The following ADAMTS18 variants were observed in gnomAD, a reference collection of about 807,000 sequenced individuals.
ADAMTS18 encodes the protein ADAM metallopeptidase with thrombospondin type 1 motif 18.
A neutral mutation model predicts 165.9 loss-of-function variants in ADAMTS18; 157 were observed. The ratio of observed to expected loss-of-function variants is 0.95; its 90% CI spans 0.83 to 1.08. ADAMTS18 has a LOEUF of 1.08. ADAMTS18 is among the 50% of genes least tolerant of loss of function. The probability of loss-of-function intolerance (pLI) is 0.00; values close to 1 mark genes in which losing one functional copy is unlikely to be tolerated. For missense variants in ADAMTS18, 2,040 were observed against 1,534.0 expected (o/e 1.33, Z -5.51); for synonymous variants, 782 against 578.2 (o/e 1.35, Z -5.06).
intron 17 of ADAMTS18, among the ~76,000 whole-genome samples, chr16:77,299,629 A>G (rs963995895): frequency 1.3e-5 from 2 of 152,178 alleles, no homozygotes; most frequent in Admixed American, 1.3e-4. Flanking sequence ...CTTCCTCCCA[A>G]ATGAGCAAGT....
At chr16:77,426,602 T>C (rs1267832180) in intron 3 of ADAMTS18, among the ~76,000 whole-genome samples, 1 of 152,218 alleles carries the variant, frequency 6.6e-6, no homozygotes, top group East Asian at 1.9e-4. Flanking sequence ...TCTAAAAGTA[T>C]TGCTCCATTC....
At chr16:77,411,133 T>C (rs2057457513) in intron 3 of ADAMTS18, among the ~76,000 whole-genome samples, 1 of 152,212 alleles carries the variant, frequency 6.6e-6, no homozygotes, top group Non-Finnish European at 1.5e-5. Context: ...TTGATGCTTA[T>C]TGAGTATTTG....
intron 3 of ADAMTS18, among the ~76,000 whole-genome samples, chr16:77,422,626 A>G (rs1464278900): frequency 1.3e-5 from 2 of 151,742 alleles, no homozygotes; most frequent in Non-Finnish European, 2.9e-5. Flanking sequence ...AAAAGGAGGA[A>G]GAAGGGAAGA....
chr16:77,331,378 A>G (rs1314316072), intron 12 of ADAMTS18, among the ~76,000 whole-genome samples: 1 of 152,194 alleles, frequency 6.6e-6, no homozygotes, highest in Non-Finnish European at 1.5e-5. Flanking sequence ...ATGTAAAGTA[A>G]TATGATGATT....
intron 10 of ADAMTS18, among the ~76,000 whole-genome samples, chr16:77,345,591 C>T (rs766983131): frequency 6.6e-6 from 1 of 152,218 alleles, no homozygotes; most frequent in Non-Finnish European, 1.5e-5. Flanking sequence ...TTATTCTCAA[C>T]ACAGTGACTA....
At chr16:77,351,926 G>C (rs1015757357) in intron 10 of ADAMTS18, among the ~76,000 whole-genome samples, 1 of 152,028 alleles carries the variant, frequency 6.6e-6, no homozygotes, top group Admixed American at 6.5e-5. Flanking sequence ...TAAAGAGAGG[G>C]TCTAACTTTG....
At chr16:77,295,211 C>T in intron 18 of ADAMTS18, 84 bp from the exon 19 acceptor site, 1 of 1,389,372 alleles carries the variant, frequency 7.2e-7, no homozygotes, top group Non-Finnish European at 1.0e-6. Flanking sequence ...GGTAAACCAC[C>T]TATGGAAGCC....
At chr16:77,336,814 C>T (rs764295655) in intron 11 of ADAMTS18, among the ~76,000 whole-genome samples, 1 of 152,172 alleles carries the variant, frequency 6.6e-6, no homozygotes, top group Non-Finnish European at 1.5e-5. Flanking sequence ...CCCCAATCCC[C>T]AACCCCTGCA....
intron 3 of ADAMTS18, among the ~76,000 whole-genome samples, chr16:77,381,739 T>C (rs945302396): frequency 1.3e-4 from 20 of 152,166 alleles, no homozygotes; most frequent in African/African-American, 3.6e-4. Flanking sequence ...GAGGCGGAGG[T>C]TGCAGTGAGC....
At chr16:77,385,178 G>A in intron 3 of ADAMTS18, among the ~76,000 whole-genome samples, 1 of 152,086 alleles carries the variant, frequency 6.6e-6, no homozygotes, top group African/African-American at 2.4e-5. Flanking sequence ...CAAAGTGTTG[G>A]GATTACAGGA....
intron 3 of ADAMTS18, among the ~76,000 whole-genome samples, chr16:77,368,360 C>CA (rs2144746353): frequency 6.6e-6 from 1 of 152,128 alleles, no homozygotes; most frequent in African/African-American, 2.4e-5. Context: ...ATGCCATGTT[C>CA]ACCACTGGAT....
intron 11 of ADAMTS18, 62 bp from the exon 12 acceptor site, chr16:77,335,966 G>A (rs1377383514): frequency 6.9e-6 from 11 of 1,594,366 alleles, no homozygotes; most frequent in Non-Finnish European, 8.6e-6. Context: ...GCAGGGAGTT[G>A]CCAACACCTG....
rs575674198 is a variant in ADAMTS18 at position 77,289,788 on chromosome 16, G to A, written c.3403-377C>T. 1.1e-4 allele frequency among the ~76,000 whole-genome samples: 16 copies of A among 152,334 alleles called. No homozygotes were observed. In the South Asian group the frequency reaches 3.3e-3, roughly 32 times the overall value. On this transcript the variant is annotated intron_variant, in intron 21 of 22. Coordinates refer to ENST00000282849, the MANE Select transcript of ADAMTS18 (RefSeq NM_199355.4). ...ATTCCAGACAATCTGTGCAGCTGCA[G>A]TAGTGGAGGACATAGTTCAAAACTG...
intron 16 of ADAMTS18, among the ~76,000 whole-genome samples, chr16:77,314,190 G>T (rs2055837017): frequency 6.6e-6 from 1 of 152,130 alleles, no homozygotes; most frequent in African/African-American, 2.4e-5. Context: ...AAGATGATGG[G>T]AGTTAACTCA....
chr16:77,340,861 C>T (rs1011707858), intron 11 of ADAMTS18, among the ~76,000 whole-genome samples: 1 of 152,152 alleles, frequency 6.6e-6, no homozygotes, highest in Non-Finnish European at 1.5e-5. Flanking sequence ...AGCTATCACA[C>T]CCAGCCTTGA....
At chr16:77,349,592 C>T (rs2056526353) in intron 10 of ADAMTS18, among the ~76,000 whole-genome samples, 1 of 149,064 alleles carries the variant, frequency 6.7e-6, no homozygotes, top group Admixed American at 6.7e-5. Context: ...ACTATTGTTC[C>T]CTACCCTGCT....
intron 3 of ADAMTS18, among the ~76,000 whole-genome samples, chr16:77,391,320 T>C (rs1037127735): frequency 6.6e-6 from 1 of 152,176 alleles, no homozygotes; most frequent in Non-Finnish European, 1.5e-5. Context: ...CTGGCCAACA[T>C]GGTGAAACTC....
At chr16:77,411,394 G>A (rs192036106) in intron 3 of ADAMTS18, among the ~76,000 whole-genome samples, 15 of 152,146 alleles carry the variant, frequency 9.9e-5, no homozygotes, top group Non-Finnish European at 1.5e-5. Context: ...ATACTCTCTG[G>A]TTGGACCTGC....
At chr16:77,296,970 T>C (rs1351190467) in intron 18 of ADAMTS18, among the ~76,000 whole-genome samples, 1 of 152,194 alleles carries the variant, frequency 6.6e-6, no homozygotes, top group Non-Finnish European at 1.5e-5. Flanking sequence ...ACTTCAACCA[T>C]CTTTTTTAAA....
Sources: gnomAD v4.1 joint callset for allele counts (sites outside exome capture counted in the v4.1 genomes callset) on GRCh38, gnomAD v4.1.1 for gene constraint, MANE v1.5 for transcripts, NCBI Gene and HGNC (gene_info 2026-07-23, HGNC 2026-07-21) for gene names.